TYMP: variants seen among roughly 807,000 people sequenced by gnomAD.
TYMP encodes thymidine phosphorylase.
A neutral mutation model predicts 42.3 loss-of-function variants in TYMP; 46 were observed. The ratio of observed to expected loss-of-function variants is 1.09; its 90% confidence interval spans 0.86 to 1.39. The LOEUF (loss-of-function observed/expected upper bound fraction) is 1.39, where lower values mean the gene tolerates loss of function less well. Among genes scored for constraint, TYMP ranks in the 40% most tolerant of loss-of-function variants. The pLI, the probability that TYMP is intolerant of heterozygous loss-of-function variation, is 0.00. For missense variants in TYMP, 837 were observed against 677.6 expected (o/e 1.24, Z -2.61); for synonymous variants, 363 against 308.0 (o/e 1.18, Z -1.87).
rs765985389 is a variant in TYMP, at chr22:50,527,729, T to G, written c.517-12A>C. ...AGCAGCACTTGCATCTGGTCAGACA[T>G]CCCCTGTTCTCAGTGACTTATGGTA... On this transcript the variant is annotated splice_polypyrimidine_tract_variant and intron_variant, in intron 4 of 9. Transcript: ENST00000252029. 1 of 1,603,566 alleles carries G rather than the reference T, an allele frequency of 6.2e-7. No homozygotes were observed. Among genetic ancestry groups the G allele is most frequent in the South Asian group, 1.1e-5 (1 of 90,888 alleles).
chr22:50,527,412 A>C, intron 5 of TYMP, 129 bp from the exon 6 acceptor site: 5 of 1,251,602 alleles, frequency 4.0e-6, no homozygotes, highest in Non-Finnish European at 5.9e-6. Flanking sequence ...TGGGGGTGGC[A>C]GCACCTGGTG....
chr22:50,527,507 C>A lies in TYMP; in HGVS notation c.646+81G>T, dbSNP rs763157815. 1.9e-6 allele frequency: 3 copies of A among 1,606,912 alleles called. No individual in the cohort carries two copies. In the East Asian group the frequency reaches 6.7e-5, roughly 36 times the overall value. ...GGGCACACGGTCAGGTGACGGGTAA[C>A]TCCTAACGAGAGGCCCTTGACTTGA... On this transcript the variant is annotated intron_variant, in intron 5 of 9. Transcript: ENST00000252029.
intron 3 of TYMP, 152 bp downstream of exon 3, chr22:50,528,984 G>C: frequency 2.6e-6 from 2 of 778,030 alleles, no homozygotes; most frequent in Non-Finnish European, 4.2e-6. Context: ...GGAACGGGGT[G>C]GGGAGAACTG....
chr22:50,527,256 T>A lies in TYMP; in HGVS notation c.674A>T (p.Glu225Val), dbSNP rs767910912. 6.2e-7 allele frequency: 1 copy of A among 1,613,694 alleles called. No homozygotes were observed. Among genetic ancestry groups the A allele is most frequent in the African/African-American group, 1.3e-5 (1 of 75,046 alleles). Residue 225 changes from glutamate to valine, a missense_variant, in exon 6 of 10, where the codon GAG becomes GTG. Transcript: ENST00000252029. ...TASILSKKLVEGLSALVVDVK... is the reference protein window; with the variant it reads ...TASILSKKLVVGLSALVVDVK... ...GTCCACCACCAGAGCGGACAGCCCC[T>A]CCACGAGTTTCTTACTGAGAATGGA...
intron 1 of TYMP, 75 bp downstream of exon 1, chr22:50,529,829 G>A: frequency 5.3e-6 from 5 of 950,312 alleles, no homozygotes; most frequent in South Asian, 1.6e-5. Flanking sequence ...TCCGCCCCTC[G>A]GTCCCGTGTC....
At chr22:50,528,031 G>A (rs1603441970) in intron 4 of TYMP, 1 of 417,952 alleles carries the variant, frequency 2.4e-6, no homozygotes, top group South Asian at 2.2e-5. Flanking sequence ...CAGAGTGCTG[G>A]GACAGGGTCT....
rs1183993342 is a variant in TYMP at position 50,529,275 on chromosome 22, TG to T, written c.277del (p.Gln93ArgfsTer50). ...CTGCTGTCCCGACTGAGCCAGGGCC[TG>T]GGTCAGCACCGAGGTCTCCTCCAGA... ...MDLEETSVLT[Q>X]ALAQSGQQLE... On this transcript the variant is annotated frameshift_variant, in exon 3 of 10. Transcript: ENST00000252029. LOFTEE classifies it high-confidence loss of function. 1.2e-6 allele frequency: 2 copies of T among 1,613,226 alleles called. No individual in the cohort carries two copies. Among genetic ancestry groups the T allele is most frequent in the African/African-American group, 2.7e-5 (2 of 74,938 alleles).
rs1399368478 is a variant in TYMP at position 50,529,984 on chromosome 22, G to A, written c.-91C>T. The A allele has an allele frequency of 1.6e-5, 8 of 505,832 alleles. No individual in the cohort carries two copies. In the East Asian group the frequency reaches 2.4e-4, roughly 15 times the overall value. 31.3% of individuals were successfully genotyped at this position (505,832 alleles called of 1,614,324 possible). On this transcript the variant is annotated 5_prime_UTR_variant, in exon 1 of 10. Transcript: ENST00000252029. The stretch of plus-strand genomic sequence containing the variant: ...CCTCGCCCGCGGGTCGGGACCGTAG[G>A]GTTCAGGGTTCGCGCACAGCGGTCC...
intron 4 of TYMP, 128 bp downstream of exon 4, chr22:50,528,384 G>A (rs2069470564): frequency 1.2e-6 from 1 of 831,234 alleles, no homozygotes; most frequent in Admixed American, 2.0e-5. Context: ...CAGGCCCAGT[G>A]ACTCATGAGT....
Position 50,529,718 on chromosome 22 carries a change from G to A in TYMP, c.-9C>T. On this transcript the variant is annotated splice_region_variant and 5_prime_UTR_variant, in exon 2 of 10. Transcript: ENST00000252029. ...GTCATCAAGGCTGCCATCGCTCCGG[G>A]CCTGCGGGGATGCCTGACACGTCCG... The A allele has an allele frequency of 6.2e-7, 1 of 1,605,786 alleles. No individual in the cohort carries two copies. Among genetic ancestry groups the A allele is most frequent in the Non-Finnish European group, 8.5e-7 (1 of 1,176,848 alleles).
chr22:50,527,190 TGCTCCTGGTTGGGGAA>T lies in TYMP; in HGVS notation c.724_739del (p.Phe242ArgfsTer16). On this transcript the variant is annotated frameshift_variant, in exon 6 of 10. Coordinates refer to ENST00000252029, the MANE Select transcript of TYMP (RefSeq NM_001953.5). LOFTEE classifies it high-confidence loss of function. ...CAGCGTCTTTGCCAGCTCCCGGGCC[TGCTCCTGGTTGGGGAA>T]GACGGCGGCCCCTCCGAACTTAACG... 6.2e-7 allele frequency: 1 copy of T among 1,613,332 alleles called. No homozygotes were observed. Among genetic ancestry groups the T allele is most frequent in the African/African-American group, 1.3e-5 (1 of 75,056 alleles).
intron 5 of TYMP, 113 bp downstream of exon 5, chr22:50,527,475 G>T: frequency 6.5e-7 from 1 of 1,540,070 alleles, no homozygotes; most frequent in Non-Finnish European, 9.0e-7. Context: ...TTGTGATGGG[G>T]GTAGGGGGGC....
At position 50,526,285 on chromosome 22, in the gene TYMP, G is replaced by T. The variant is rs1214742238; in HGVS notation, c.1120C>A (p.Arg374Ser). Reference sequence around the variant, plus strand: ...AGCAGCTCCTCCTGCTCCCGGGCGCGAGGCAGCAGCTGCCGGCGTTCTGCG... The same window carrying T: ...AGCAGCTCCTCCTGCTCCCGGGCGCTAGGCAGCAGCTGCCGGCGTTCTGCG... ...SPAERRQLLP[R>S]AREQEELLAP... is the part of the protein sequence containing the mutation. The change falls in exon 8 of 10, where the codon CGC becomes AGC. Residue 374 changes from arginine to serine, a missense_variant. Physicochemically the swap from Arg to Ser is moderately radical, Grantham distance 110 (BLOSUM62 -1). Coordinates refer to ENST00000252029, the MANE Select transcript of TYMP (RefSeq NM_001953.5). 2.6e-6 allele frequency: 4 copies of T among 1,549,244 alleles called. No individual in the cohort carries two copies. The highest frequency in any genetic ancestry group is 2.8e-5 in the African/African-American group (2 of 70,902).
rs2069501289 is a variant in TYMP at position 50,529,241 on chromosome 22, C to A, written c.312G>T (p.Trp104Cys). 2 of 1,613,158 alleles carry A rather than the reference C, an allele frequency of 1.2e-6. No homozygotes were observed. Among genetic ancestry groups the A allele is most frequent in the African/African-American group, 2.7e-5 (2 of 74,934 alleles). The change falls in exon 3 of 10, where the codon TGG becomes TGT. Residue 104 changes from tryptophan to cysteine, a missense_variant. Trp to Cys is a radical substitution (Grantham distance 215). Transcript: ENST00000252029. ...CAAGCTGCTGGCGCCAGGCCTCTGG[C>A]CACTCCAGCTGCTGTCCCGACTGAG... Reference protein sequence around the residue: ...ALAQSGQQLEWPEAWRQQLVD... With the variant: ...ALAQSGQQLECPEAWRQQLVD...
At position 50,526,060 on chromosome 22, in the gene TYMP, G is replaced by A. The variant is rs1350988490; in HGVS notation, c.1241C>T (p.Pro414Leu). The change falls in exon 9 of 10, where the codon CCG becomes CTG. Residue 414 changes from proline (P) to leucine (L), a missense_variant. Coordinates refer to ENST00000252029, the MANE Select transcript of TYMP (RefSeq NM_001953.5). ...LGAGRSRAGE[P>L]LRLGVGAELL... is the part of the protein sequence containing the mutation. ...CTCTGCGCCCACCCCCAGGCGGAGC[G>A]GCTCCCCAGCGCGGCTGCGCCCGGC... 6.7e-7 allele frequency: 1 copy of A among 1,482,748 alleles called. No individual in the cohort carries two copies. Among genetic ancestry groups the A allele is most frequent in the South Asian group, 1.3e-5 (1 of 78,674 alleles). 91.8% of individuals were successfully genotyped at this position (1,482,748 alleles called of 1,614,324 possible). A position where few individuals can be genotyped will look rare whatever the true frequency, so the allele number is the denominator to read the frequency against.
intron 4 of TYMP, chr22:50,527,938 C>CT (rs927161721): frequency 0.011 from 5,477 of 517,212 alleles, 1 homozygote; most frequent in East Asian, 0.028. Context: ...CCACACGCGG[C>CT]TTTTTTTTTT....
At chr22:50,530,043 G>C (rs886057637), upstream of TYMP, 5 of 333,180 alleles carry the variant, frequency 1.5e-5, no homozygotes, top group Admixed American at 1.5e-4. Context: ...GCCCCAGGAC[G>C]GCAGGCGGGT....
At chr22:50,529,063 G>T (rs926791463) in intron 3 of TYMP, 73 bp downstream of exon 3, 1 of 1,508,196 alleles carries the variant, frequency 6.6e-7, no homozygotes, top group Admixed American at 1.7e-5. Context: ...TTGAGGTTGG[G>T]AGCTGCCTGT....
Position 50,526,674 on chromosome 22 carries a change from AG to A in TYMP, c.829del (p.Leu277TrpfsTer26). On this transcript the variant is annotated frameshift_variant, in exon 7 of 10. Transcript: ENST00000252029. LOFTEE classifies it high-confidence loss of function. ...CAGGGCGTGGCCCACGCAGCGACCC[AG>A]GGGCTTGTCCATGGCGGTCAGCGCT... ...AAALTAMDKP[L>X]GRCVGHALEV... 2 of 1,551,522 alleles carry A rather than the reference AG, an allele frequency of 1.3e-6. No homozygotes were observed. The highest frequency in any genetic ancestry group is 1.4e-5 in the African/African-American group (1 of 73,550).
Sources: gnomAD v4.1 joint callset for allele counts on GRCh38, gnomAD v4.1.1 for gene constraint, MANE v1.5 for transcripts, NCBI Gene and HGNC (gene_info 2026-07-23, HGNC 2026-07-21) for gene names.